Variants in DHX58 observed in about 807,000 individuals in gnomAD.
DHX58 encodes ATP-dependent RNA helicase DHX58.
Under a neutral mutation model 65.0 loss-of-function variants are expected in DHX58, and 51 were observed. The ratio of observed to expected loss-of-function variants is 0.78; its 90% CI spans 0.63 to 0.99. DHX58 has a LOEUF of 0.99. DHX58 is among the 50% of genes least tolerant of loss of function. The probability of loss-of-function intolerance (pLI) is 0.00; values close to 1 mark genes in which losing one functional copy is unlikely to be tolerated. For missense variants in DHX58, 773 were observed against 891.8 expected, an observed-to-expected ratio of 0.87 and a Z score of 1.70; for synonymous variants, 350 against 365.0, an observed-to-expected ratio of 0.96 and a Z score of 0.47.
Position 42,103,635 on chromosome 17 carries a change from T to C in DHX58, c.1727A>G (p.His576Arg), listed in dbSNP as rs782070543. The C allele has an allele frequency of 1.9e-6, 3 of 1,614,044 alleles. No homozygotes were observed. ...GAAGTTGGGGTTCACATTGACATGG[T>C]GGGTGCCCTCCACCTTCCGCAGGTC... ...GSDLRKVEGT[H>R]HVNVNPNFSN... The change falls in exon 12 of 14, where the codon CAC (histidine) becomes CGC (arginine). Residue 576 changes from histidine to arginine, a missense_variant. Coordinates refer to ENST00000251642, the MANE Select transcript of DHX58 (RefSeq NM_024119.3).
rs150365076 is a variant in DHX58, at chr17:42,105,027, G to A, written c.1392C>T (p.Ser464=). The A allele has an allele frequency of 2.9e-4, 467 of 1,613,258 alleles. 4 individuals are homozygous for A. The African/African-American group carries it at 5.3e-3, about 18-fold the overall frequency. ...AGGAGGATGTGAGTACCTGGACCATGGAGATTTCATTGGTCAAGAGCCCAT... is the reference window on the plus strand; with the variant it reads ...AGGAGGATGTGAGTACCTGGACCATAGAGATTTCATTGGTCAAGAGCCCAT... ...VRYGLLTNEI[S]MVQARGRARA... Residue 464 remains serine, a synonymous_variant, in exon 10 of 14, where the codon TCC becomes TCT. Coordinates refer to ENST00000251642, the MANE Select transcript of DHX58 (RefSeq NM_024119.3).
chr17:42,109,238 C>T, intron 6 of DHX58, 32 bp downstream of exon 6: 1 of 1,586,774 alleles, frequency 6.3e-7, no homozygotes, highest in Non-Finnish European at 8.6e-7. Context: ...CACACCGGCT[C>T]CCGCTCTCGC....
chr17:42,103,713 T>C lies in DHX58; in HGVS notation c.1649A>G (p.Glu550Gly), dbSNP rs782188161. 21 of 1,613,610 alleles carry C rather than the reference T, an allele frequency of 1.3e-5. No homozygotes were observed. The highest frequency in any genetic ancestry group is 1.6e-5 in the Non-Finnish European group (19 of 1,180,014). ...GTTGATGCAGAGTAGCTGCACGTGC[T>C]CCACTGGGAACTGCTGCCGCTGGTT... Reference protein sequence around the residue: ...RENQRQQFPVEHVQLLCINCM... With the variant: ...RENQRQQFPVGHVQLLCINCM... The change falls in exon 12 of 14, where the codon GAG (glutamate) becomes GGG (glycine). Residue 550 changes from glutamate (E) to glycine (G), a missense_variant. Physicochemically the swap from Glu to Gly is moderately conservative, Grantham distance 98. Transcript: ENST00000251642.
At chr17:42,110,252 T>C (rs1040964410) in intron 5 of DHX58, among the ~76,000 whole-genome samples, 31 of 149,274 alleles carry the variant, frequency 2.1e-4, no homozygotes, top group African/African-American at 7.2e-4. Context: ...CTGAAGAGGA[T>C]AGCACTGGAT....
chr17:42,110,959 T>C (rs2054140843), intron 4 of DHX58, 46 bp from the exon 5 acceptor site: 1 of 1,534,528 alleles, frequency 6.5e-7, no homozygotes, highest in South Asian at 1.3e-5. Flanking sequence ...TGCAAAGCCC[T>C]TCCTCCCATC....
chr17:42,112,088 G>A (rs1465089745), intron 2 of DHX58, 25 bp downstream of exon 2: 6 of 640,164 alleles, frequency 9.4e-6, no homozygotes, highest in African/African-American at 7.4e-5. Flanking sequence ...GGCTACACCT[G>A]CCCCCTGCCC....
chr17:42,105,986 C>G lies in DHX58; in HGVS notation c.1001G>C (p.Arg334Pro), dbSNP rs781905780. The change falls in exon 9 of 14, where the codon CGC becomes CCC. Residue 334 changes from arginine (R) to proline (P), a missense_variant. Arg to Pro is a moderately radical substitution (Grantham distance 103). Coordinates refer to ENST00000251642, the MANE Select transcript of DHX58 (RefSeq NM_024119.3). ...TGCCAAGTGGGCCAGCTCATTCTTGCGGTCTGTCAAAAACCCCAAAATTTA... is the reference window on the plus strand; with the variant it reads ...TGCCAAGTGGGCCAGCTCATTCTTGGGGTCTGTCAAAAACCCCAAAATTTA... ...ERRLLALFDD[R>P]KNELAHLATH... 6.2e-7 allele frequency: 1 copy of G among 1,611,152 alleles called. No individual in the cohort carries two copies. The highest frequency in any genetic ancestry group is 8.5e-7 in the Non-Finnish European group (1 of 1,178,800).
intron 8 of DHX58, among the ~76,000 whole-genome samples, chr17:42,107,091 G>A (rs1316130566): frequency 2.6e-5 from 4 of 151,960 alleles, no homozygotes; most frequent in Non-Finnish European, 5.9e-5. Flanking sequence ...GCCGGGCACA[G>A]TGGCTCACAC....
At position 42,108,223 on chromosome 17, in the gene DHX58, CT is replaced by C. The variant is rs552110701; in HGVS notation, c.679-116del. Reference sequence around the variant, plus strand: ...CGACTGCCTCACCCATCTGTCTTAGCTGTGGTGTGAGCTCCAGAGGGAGGCC... The same window carrying C: ...CGACTGCCTCACCCATCTGTCTTAGCGTGGTGTGAGCTCCAGAGGGAGGCC... On this transcript the variant is annotated intron_variant, in intron 6 of 13. Transcript: ENST00000251642. The C allele has an allele frequency of 2.3e-4, 343 of 1,506,760 alleles. 1 individual carries two copies. The South Asian group carries it at 4.0e-3, about 17-fold the overall frequency. The allele number at this position is 1,506,760 out of a possible 1,614,324, so 93.3% of individuals were successfully genotyped here.
In DHX58 at chr17:42,103,708, C is replaced by T. The variant is rs376214148; in HGVS notation, c.1654G>A (p.Val552Met). Residue 552 changes from valine to methionine, a missense_variant, in exon 12 of 14, where the codon GTG (valine) becomes ATG (methionine). Physicochemically the swap from Val to Met is conservative, Grantham distance 21. Transcript: ENST00000251642. ...ATGCAGTTGATGCAGAGTAGCTGCA[C>T]GTGCTCCACTGGGAACTGCTGCCGC... Reference protein sequence around the residue: ...NQRQQFPVEHVQLLCINCMVA... With the variant: ...NQRQQFPVEHMQLLCINCMVA... 5.0e-6 allele frequency: 8 copies of T among 1,613,676 alleles called. No homozygotes were observed. Among genetic ancestry groups the T allele is most frequent in the East Asian group, 4.5e-5 (2 of 44,900 alleles).
In DHX58 at chr17:42,110,724, T is replaced by A. The variant is rs140251603; in HGVS notation, c.560A>T (p.Gln187Leu). Reference sequence around the variant, plus strand: ...GAGGCCCACAGGGGCCAGGCTGACCTGCAGGACGTGGTTGATGGCCCCATC... The same window carrying A: ...GAGGCCCACAGGGGCCAGGCTGACCAGCAGGACGTGGTTGATGGCCCCATC... ...KLDGAINHVL[Q>L]LCANLDTWCI... Residue 187 changes from glutamine to leucine, a missense_variant and splice_region_variant, in exon 5 of 14, where the codon CAG (glutamine) becomes CTG (leucine). Physicochemically the swap from Gln to Leu is moderately radical, Grantham distance 113. Transcript: ENST00000251642. 6.3e-7 allele frequency: 1 copy of A among 1,599,606 alleles called. No homozygotes were observed. The highest frequency in any genetic ancestry group is 2.2e-5 in the East Asian group (1 of 44,670).
Position 42,105,893 on chromosome 17 carries a change from G to C in DHX58, c.1094C>G (p.Ser365Cys). 6.2e-7 allele frequency: 1 copy of C among 1,614,000 alleles called. No individual in the cohort carries two copies. Among genetic ancestry groups the C allele is most frequent in the Non-Finnish European group, 8.5e-7 (1 of 1,180,036 alleles). Residue 365 changes from serine to cysteine, a missense_variant, in exon 9 of 14, where the codon TCT becomes TGT. Transcript: ENST00000251642. ...EKILQRQFSS[S>C]NSPRGIIFTR... Reference sequence around the variant, plus strand: ...GAAGATGATACCCCGAGGGCTGTTAGAGCTACTGAACTGCCTTTGCAGGAT... The same window carrying C: ...GAAGATGATACCCCGAGGGCTGTTACAGCTACTGAACTGCCTTTGCAGGAT...
Position 42,102,246 on chromosome 17 carries a change from C to G in DHX58, c.1821G>C (p.Gly607=). Residue 607 remains glycine, a synonymous_variant, in exon 13 of 14, where the codon GGG becomes GGC. Coordinates refer to ENST00000251642, the MANE Select transcript of DHX58 (RefSeq NM_024119.3). ...CACAGTTCCTGCAGCTGATGACACC[C>G]CCAGGCTTCCAGTCCTTGAAGACTT... ...INKVFKDWKP[G]GVISCRNCGE... The G allele has an allele frequency of 6.2e-7, 1 of 1,614,188 alleles. No homozygotes were observed. The highest frequency in any genetic ancestry group is 8.5e-7 in the Non-Finnish European group (1 of 1,180,034).
chr17:42,103,721 G>C lies in DHX58; in HGVS notation c.1641C>G (p.Phe547Leu). The change falls in exon 12 of 14, where the codon TTC becomes TTG. Residue 547 changes from phenylalanine to leucine, a missense_variant. Phe to Leu is a conservative substitution (Grantham distance 22, BLOSUM62 0). Transcript: ENST00000251642. ...AAQRENQRQQFPVEHVQLLCI... is the reference protein window; with the variant it reads ...AAQRENQRQQLPVEHVQLLCI... ...AGAGTAGCTGCACGTGCTCCACTGGGAACTGCTGCCGCTGGTTCTCCCGCT... is the reference window on the plus strand; with the variant it reads ...AGAGTAGCTGCACGTGCTCCACTGGCAACTGCTGCCGCTGGTTCTCCCGCT... The C allele has an allele frequency of 6.2e-7, 1 of 1,613,616 alleles. No homozygotes were observed. Among genetic ancestry groups the C allele is most frequent in the Non-Finnish European group, 8.5e-7 (1 of 1,180,026 alleles).
Position 42,110,862 on chromosome 17 carries a change from A to G in DHX58, c.422T>C (p.Val141Ala), listed in dbSNP as rs923525202. The change falls in exon 5 of 14, where the codon GTC (valine) becomes GCC (alanine). Residue 141 changes from valine to alanine, a missense_variant. Physicochemically the swap from Val to Ala is moderately conservative, Grantham distance 64. Transcript: ENST00000251642. ...GTACTGGCTCATGATGACGTTGTAGACGGTGTCCTTGTGCGTGTGGTGGCA... is the reference window on the plus strand; with the variant it reads ...GTACTGGCTCATGATGACGTTGTAGGCGGTGTCCTTGTGCGTGTGGTGGCA... ...DECHHTHKDT[V>A]YNVIMSQYLE... 5.6e-6 allele frequency: 9 copies of G among 1,613,848 alleles called. No individual in the cohort carries two copies. Among genetic ancestry groups the G allele is most frequent in the Admixed American group, 1.7e-5 (1 of 59,992 alleles).
intron 6 of DHX58, among the ~76,000 whole-genome samples, 176 bp downstream of exon 6, chr17:42,109,094 C>T (rs533147674): frequency 1.8e-4 from 27 of 152,344 alleles, no homozygotes; most frequent in African/African-American, 4.6e-4. Flanking sequence ...ATCCAAAGAG[C>T]GGGCTGTGGG....
Position 42,107,877 on chromosome 17 carries a change from AC to A in DHX58, c.806-83del, listed in dbSNP as rs1216864447. ...CCATAGGGCCGTCCCACTCGACTCCACCCCTGGGGTGGATAGGCCCCGCCCC... is the reference window on the plus strand; with the variant it reads ...CCATAGGGCCGTCCCACTCGACTCCACCCTGGGGTGGATAGGCCCCGCCCC... On this transcript the variant is annotated intron_variant, in intron 7 of 13. Coordinates refer to ENST00000251642, the MANE Select transcript of DHX58 (RefSeq NM_024119.3). 6 of 1,543,440 alleles carry A rather than the reference AC, an allele frequency of 3.9e-6. No homozygotes were observed. In the East Asian group the frequency reaches 9.3e-5, roughly 24 times the overall value.
rs1192462855 is a variant in DHX58 at position 42,102,269 on chromosome 17, C to A, written c.1798G>T (p.Val600Phe). The A allele has an allele frequency of 1.9e-6, 3 of 1,614,046 alleles. No individual in the cohort carries two copies. Among genetic ancestry groups the A allele is most frequent in the Non-Finnish European group, 2.5e-6 (3 of 1,180,026 alleles). ...VSRDPVVINK[V>F]FKDWKPGGVI... is the part of the protein sequence containing the mutation. ...CCCCCAGGCTTCCAGTCCTTGAAGACTTTGTTGATGACCACAGGATCCCTG... is the reference window on the plus strand; with the variant it reads ...CCCCCAGGCTTCCAGTCCTTGAAGAATTTGTTGATGACCACAGGATCCCTG... Residue 600 changes from valine (V) to phenylalanine (F), a missense_variant, in exon 13 of 14, where the codon GTC (valine) becomes TTC (phenylalanine). Coordinates refer to ENST00000251642, the MANE Select transcript of DHX58 (RefSeq NM_024119.3).
rs146616923 is a variant in DHX58 at position 42,102,114 on chromosome 17, A to T, written c.1851+102T>A. On this transcript the variant is annotated intron_variant, in intron 13 of 13. Transcript: ENST00000251642. ...GACCTCCCTCTTCAGACTGGAGGCCATGGGGTGGGACTGTCTCCCGTGTCC... is the reference window on the plus strand; with the variant it reads ...GACCTCCCTCTTCAGACTGGAGGCCTTGGGGTGGGACTGTCTCCCGTGTCC... The T allele has an allele frequency of 4.8e-6, 7 of 1,458,072 alleles. No homozygotes were observed. In the East Asian group the frequency reaches 1.6e-4, roughly 33 times the overall value. 90.3% of individuals were successfully genotyped at this position (1,458,072 alleles called of 1,614,324 possible).
Sources: allele counts gnomAD v4.1 joint callset (sites outside exome capture counted in the v4.1 genomes callset), GRCh38; gene constraint gnomAD v4.1.1; transcripts MANE v1.5; gene names NCBI Gene and HGNC (gene_info 2026-07-23, HGNC 2026-07-21).